Variants in CIMAP1A observed in about 807,000 individuals in gnomAD.
CIMAP1A encodes cancer/testis antigen 135.
the CIMAP1A span, chr11:198,359 T>C: frequency 6.3e-4 from 1,017 of 1,613,388 alleles, no homozygotes; most frequent in Middle Eastern, 8.2e-4. Context: ...GGGTGGGGTG[T>C]GTGACATGGG....
the CIMAP1A span, chr11:198,186 G>A: frequency 3.7e-6 from 6 of 1,612,004 alleles, no homozygotes; most frequent in African/African-American, 6.7e-5. Flanking sequence ...AGCCCCCTTG[G>A]CTCCTTGTCC....
the CIMAP1A span, chr11:198,601 A>G: frequency 1.3e-6 from 2 of 1,592,316 alleles, no homozygotes; most frequent in Non-Finnish European, 1.7e-6. Context: ...GGCCACCCCA[A>G]CTGAGAACAG....
chr11:197,459 C>A, the CIMAP1A span: 264 of 1,589,884 alleles, frequency 1.7e-4, 1 homozygote, highest in Admixed American at 3.8e-4. Flanking sequence ...GCCAGGCGGG[C>A]AGGTGGGGGT....
At chr11:197,507 C>A in the CIMAP1A span, 6 of 1,595,954 alleles carry the variant, frequency 3.8e-6, no homozygotes, top group Non-Finnish European at 5.1e-6. Flanking sequence ...TGACTCCCAG[C>A]GGGGAGAAGG....
chr11:197,507 C>G, the CIMAP1A span: 2 of 1,595,956 alleles, frequency 1.3e-6, no homozygotes, highest in African/African-American at 1.3e-5. Context: ...TGACTCCCAG[C>G]GGGGAGAAGG....
chr11:198,570 C>T, the CIMAP1A span: 253 of 1,610,204 alleles, frequency 1.6e-4, no homozygotes, highest in Non-Finnish European at 2.0e-4. Flanking sequence ...GCGGCTTCAG[C>T]GACGACCTAC....
the CIMAP1A span, chr11:198,999 G>T: frequency 8.4e-7 from 1 of 1,191,650 alleles, no homozygotes. Context: ...AGGGGCCTGA[G>T]ATGGGGAAGC....
chr11:199,611 G>A, the CIMAP1A span: 1 of 1,464,686 alleles, frequency 6.8e-7, no homozygotes, highest in Non-Finnish European at 9.0e-7. Context: ...CACAGACGAG[G>A]GGAAACAGGG....
the CIMAP1A span, chr11:198,084 T>C: frequency 1.3e-6 from 2 of 1,548,660 alleles, no homozygotes; most frequent in South Asian, 2.4e-5. Flanking sequence ...GGTCACCACC[T>C]GTGTTGGAGC....
the CIMAP1A span, chr11:199,181 CACAT>C: frequency 8.4e-6 from 12 of 1,428,358 alleles, no homozygotes; most frequent in East Asian, 3.0e-4. Flanking sequence ...AAGTGACCCC[CACAT>C]GAGGTACCCC....
chr11:199,394 A>C, the CIMAP1A span: 2 of 1,575,234 alleles, frequency 1.3e-6, no homozygotes, highest in African/African-American at 1.3e-5. Context: ...GCCTACCGCC[A>C]AACTGATGTG....
chr11:198,722 G>GC, the CIMAP1A span: 16 of 1,475,096 alleles, frequency 1.1e-5, 1 homozygote, highest in Middle Eastern at 1.1e-3. Context: ...CTGGGCACCT[G>GC]CCACGTGCTG....
the CIMAP1A span, chr11:198,438 C>T: frequency 1.9e-6 from 3 of 1,613,208 alleles, no homozygotes; most frequent in South Asian, 3.3e-5. Context: ...CCTGTTCCGG[C>T]CTGAGGCTCC....
the CIMAP1A span, chr11:199,885 C>CAGAG: frequency 1.3e-6 from 2 of 1,597,380 alleles, no homozygotes; most frequent in South Asian, 2.3e-5. Flanking sequence ...CCAGCCAGGG[C>CAGAG]AGAGACCTGC....
the CIMAP1A span, chr11:199,166 G>T: frequency 1.4e-6 from 2 of 1,420,118 alleles, no homozygotes; most frequent in Non-Finnish European, 1.8e-6. Context: ...AGGCTGAAAT[G>T]GAGGAAGTGA....
chr11:197,225 G>A, the CIMAP1A span: 8 of 967,208 alleles, frequency 8.3e-6, no homozygotes, highest in South Asian at 3.3e-5. Flanking sequence ...GAGCAGGGTC[G>A]GGGACATCAG....
chr11:197,501 T>C, the CIMAP1A span: 8 of 1,594,518 alleles, frequency 5.0e-6, no homozygotes, highest in Non-Finnish European at 6.9e-6. Context: ...AATCCCTGAC[T>C]CCCAGCGGGG....
At chr11:197,265 C>T in the CIMAP1A span, 6 of 1,458,720 alleles carry the variant, frequency 4.1e-6, no homozygotes, top group Non-Finnish European at 5.6e-6. Flanking sequence ...CCGGGCCTCC[C>T]AGCACCTGGT....
At chr11:199,491 C>G in the CIMAP1A span, 1 of 1,557,932 alleles carries the variant, frequency 6.4e-7, no homozygotes, top group Non-Finnish European at 8.7e-7. Context: ...CAGGACCAGG[C>G]GCCCACAGCC....
Sources: allele counts gnomAD v4.1 joint callset, GRCh38; gene constraint gnomAD v4.1.1; transcripts MANE v1.5; gene names NCBI Gene and HGNC (gene_info 2026-07-23, HGNC 2026-07-21).